Variants in XPC observed in about 807,000 individuals in gnomAD.
XPC encodes the protein DNA repair protein complementing XP-C cells.
In XPC, 76 loss-of-function variants were observed where a neutral mutation model predicts 95.8. That is an observed-to-expected ratio of 0.79 (90% confidence interval 0.66 to 0.96). The LOEUF is 0.96. XPC is among the 40% of genes least tolerant of loss of function. XPC has a pLI of 0.00. For synonymous variants in XPC, 442 were observed against 442.1 expected, an observed-to-expected ratio of 1.00 and a Z score of 0.00; for missense variants, 1,146 against 1,179.8, an observed-to-expected ratio of 0.97 and a Z score of 0.42.
rs756095054 is a variant in XPC at position 14,158,815 on chromosome 3, G to C, written c.1068C>G (p.Asn356Lys). ...SSETSSQVLENHTKPKTSKGT... is the reference protein window; with the variant it reads ...SSETSSQVLEKHTKPKTSKGT... Reference sequence around the variant, plus strand: ...CTTTGCTGGTCTTTGGTTTGGTGTGGTTTTCTAGAACTTGGCTGGAAGTTT... The same window carrying C: ...CTTTGCTGGTCTTTGGTTTGGTGTGCTTTTCTAGAACTTGGCTGGAAGTTT... The change falls in exon 9 of 16, where the codon AAC becomes AAG. Residue 356 changes from asparagine (N) to lysine (K), a missense_variant. By Grantham distance (94) the Asn-to-Lys change is moderately conservative (BLOSUM62 0). Transcript: ENST00000285021. The surrounding 1 kb of genome is among the most constrained non-coding windows in gnomAD (Gnocchi z 5.2). 2 of 1,613,902 alleles carry C rather than the reference G, an allele frequency of 1.2e-6. No individual in the cohort carries two copies. The highest frequency in any genetic ancestry group is 1.1e-5 in the South Asian group (1 of 91,080).
intron 15 of XPC, 148 bp downstream of exon 15, chr3:14,147,142 G>A: frequency 6.2e-6 from 5 of 805,644 alleles, no homozygotes; most frequent in Non-Finnish European, 9.9e-6. Flanking sequence ...GTAAAAACAA[G>A]CGGCCTTAGA....
intron 1 of XPC, 45 bp downstream of exon 1, chr3:14,178,421 C>T (rs1574984033): frequency 6.4e-7 from 1 of 1,561,666 alleles, no homozygotes; most frequent in Non-Finnish European, 8.6e-7. Flanking sequence ...CCTCCTCCGC[C>T]CACCGGCGGC....
chr3:14,176,927 C>T (rs1696841808), intron 1 of XPC, among the ~76,000 whole-genome samples: 1 of 152,106 alleles, frequency 6.6e-6, no homozygotes, highest in African/African-American at 2.4e-5. Flanking sequence ...ATGGCGAAAC[C>T]CCATCTATAC....
chr3:14,160,154 T>C (rs1696111309), intron 7 of XPC, among the ~76,000 whole-genome samples: 1 of 152,228 alleles, frequency 6.6e-6, no homozygotes, highest in African/African-American at 2.4e-5. Context: ...AGCATCCATA[T>C]ACTGGGTTAT....
intron 2 of XPC, among the ~76,000 whole-genome samples, chr3:14,172,210 T>C (rs1295538616): frequency 1.3e-5 from 2 of 152,136 alleles, no homozygotes; most frequent in Non-Finnish European, 2.9e-5. Context: ...CTACAGGGCA[T>C]ATGAAAAGGA....
chr3:14,148,989 C>G (rs1695572694), intron 11 of XPC, 41 bp from the exon 12 acceptor site: 1 of 1,609,822 alleles, frequency 6.2e-7, no homozygotes, highest in African/African-American at 1.3e-5. Flanking sequence ...ACAAAGGCAT[C>G]CAGTTCCTCA....
chr3:14,156,748 G>A (rs572866821), intron 9 of XPC, among the ~76,000 whole-genome samples: 132 of 152,340 alleles, frequency 8.7e-4, no homozygotes, highest in African/African-American at 2.6e-3. Flanking sequence ...CTATTTGAAT[G>A]CTTAGACACC....
rs747635629 is a variant in XPC at position 14,165,419 on chromosome 3, G to A, written c.779+9C>T. 1.3e-6 allele frequency: 2 copies of A among 1,581,848 alleles called. No homozygotes were observed. Among genetic ancestry groups the A allele is most frequent in the Non-Finnish European group, 1.7e-6 (2 of 1,162,342 alleles). On this transcript the variant is annotated intron_variant, in intron 6 of 15. Transcript: ENST00000285021. ...TCCCCAGCTCTGCAGGACAAGCGGA[G>A]GGCCTTACCACTTCACCAGGTTTGA...
At chr3:14,152,307 C>T in intron 11 of XPC, 28 bp downstream of exon 11, 1 of 1,602,308 alleles carries the variant, frequency 6.2e-7, no homozygotes, top group Non-Finnish European at 8.5e-7. Flanking sequence ...GTCACCACTC[C>T]CCACAGGGAC....
chr3:14,158,254 T>C lies in XPC; in HGVS notation c.1629A>G (p.Val543=). 6.2e-7 allele frequency: 1 copy of C among 1,614,020 alleles called. No homozygotes were observed. The highest frequency in any genetic ancestry group is 8.5e-7 in the Non-Finnish European group (1 of 1,179,894). ...EVFCEQEEKW[V]CVDCVHGVVG... ...CCACACCGTGCACACAGTCTACACA[T>C]ACCCACTTTTCCTCCTGCTCACAGA... Residue 543 remains valine, a synonymous_variant, in exon 9 of 16, where the codon GTA becomes GTG. Transcript: ENST00000285021. This position sits in a 1 kb window ranked among gnomAD's most constrained non-coding sequence, Gnocchi z 5.2.
Position 14,154,941 on chromosome 3 carries a change from A to G in XPC, c.2033+1394T>C, listed in dbSNP as rs534483898. Among the ~76,000 whole-genome samples, 187 of 152,330 alleles carry G rather than the reference A, an allele frequency of 1.2e-3. 1 individual carries two copies. Among genetic ancestry groups the G allele is most frequent in the African/African-American group, 4.4e-3 (183 of 41,572 alleles). On this transcript the variant is annotated intron_variant, in intron 10 of 15. Coordinates refer to ENST00000285021, the MANE Select transcript of XPC (RefSeq NM_004628.5). ...TGCACCTCTAATGCTTCCTTCTGTC[A>G]CTGACATGGTGCCTCTGGACGACGC...
chr3:14,164,141 C>T (rs904714025), intron 7 of XPC, among the ~76,000 whole-genome samples: 1 of 152,278 alleles, frequency 6.6e-6, no homozygotes, highest in East Asian at 1.9e-4. Context: ...AAAGCCAACA[C>T]GGAAGAAGAG....
rs1035086769 is a variant in XPC, at chr3:14,149,027, C to G, written c.2116-79G>C. On this transcript the variant is annotated intron_variant, in intron 11 of 15. Transcript: ENST00000285021. Reference sequence around the variant, plus strand: ...ACCGGGCCAGGCACCATGCTCAGTGCCGCATGCCTGGTACCTGGTGAACCC... The same window carrying G: ...ACCGGGCCAGGCACCATGCTCAGTGGCGCATGCCTGGTACCTGGTGAACCC... 5 of 1,578,656 alleles carry G rather than the reference C, an allele frequency of 3.2e-6. No individual in the cohort carries two copies. In the African/African-American group the frequency reaches 5.4e-5, roughly 17 times the overall value.
At chr3:14,170,860 A>G (rs1346328673) in intron 2 of XPC, among the ~76,000 whole-genome samples, 1 of 152,184 alleles carries the variant, frequency 6.6e-6, no homozygotes, top group Non-Finnish European at 1.5e-5. Context: ...CCAAAATAAT[A>G]ATGAGTTCCA....
At position 14,158,842 on chromosome 3, in the gene XPC, T is replaced by A. The variant is rs149114386; in HGVS notation, c.1041A>T (p.Ser347=). The change falls in exon 9 of 16, where the codon TCA becomes TCT. Residue 347 remains serine (S), a synonymous_variant. Transcript: ENST00000285021. This position sits in a 1 kb window ranked among gnomAD's most constrained non-coding sequence, Gnocchi z 5.2. The part of the protein sequence containing the change: ...ERLTADPGGS[S]ETSSQVLENH... ...TTTCTAGAACTTGGCTGGAAGTTTC[T>A]GAGGAGCCTCCTGGATCCGCAGTCA... 1.9e-6 allele frequency: 3 copies of A among 1,614,042 alleles called. No homozygotes were observed. In the East Asian group the frequency reaches 6.7e-5, roughly 36 times the overall value.
At chr3:14,154,621 G>C (rs1261130140) in intron 10 of XPC, among the ~76,000 whole-genome samples, 2 of 152,152 alleles carry the variant, frequency 1.3e-5, no homozygotes, top group Non-Finnish European at 2.9e-5. Context: ...AAAGGAGAAT[G>C]GTGGGTGCAG....
chr3:14,146,790 C>T (rs3731173), intron 15 of XPC, among the ~76,000 whole-genome samples: 1 of 152,194 alleles, frequency 6.6e-6, no homozygotes, highest in African/African-American at 2.4e-5. Context: ...CTGACTATAC[C>T]ATGTAACTGG....
rs3731125 is a variant in XPC, at chr3:14,159,852, T to C, written c.901-22A>G. On this transcript the variant is annotated intron_variant, in intron 7 of 15. Coordinates refer to ENST00000285021, the MANE Select transcript of XPC (RefSeq NM_004628.5). The stretch of plus-strand genomic sequence containing the variant: ...ATATCTATGATGAAAAGGAAGAACA[T>C]AGTTATCCTAAGAAAGTAATTAAAG... The C allele has an allele frequency of 0.077, 118,448 of 1,542,596 alleles. 4,901 individuals carry two copies. The highest frequency in any genetic ancestry group is 0.11 in the South Asian group (9,309 of 83,812).
intron 4 of XPC, 123 bp from the exon 5 acceptor site, chr3:14,167,376 T>G: frequency 1.2e-6 from 1 of 864,462 alleles, no homozygotes; most frequent in Non-Finnish European, 1.7e-6. Flanking sequence ...TACACAAGGC[T>G]GTGCTACTCA....
Sources: gnomAD v4.1 joint callset for allele counts (sites outside exome capture counted in the v4.1 genomes callset) on GRCh38, gnomAD v4.1.1 for gene constraint, Gnocchi (gnomAD v3.1) non-coding constraint, MANE v1.5 for transcripts, NCBI Gene and HGNC (gene_info 2026-07-23, HGNC 2026-07-21) for gene names.